DNER: variants seen among roughly 807,000 people sequenced by gnomAD.
DNER encodes delta and Notch-like epidermal growth factor-related receptor.
Under a neutral mutation model 78.2 loss-of-function variants are expected in DNER, and 33 were observed. The ratio of observed to expected loss-of-function variants is 0.42; its 90% CI spans 0.32 to 0.56. DNER has a LOEUF of 0.56. Ranked by LOEUF, DNER falls within the 20% of genes least tolerant of loss-of-function variation. The probability of loss-of-function intolerance (pLI) is 0.11; values close to 1 mark genes in which losing one functional copy is unlikely to be tolerated. For synonymous variants in DNER, 417 were observed against 384.8 expected, an observed-to-expected ratio of 1.08 and a Z score of -0.98; for missense variants, 918 against 975.3, an observed-to-expected ratio of 0.94 and a Z score of 0.78.
At chr2:229,509,688 C>T (rs1695824421) in intron 6 of DNER, among the ~76,000 whole-genome samples, 1 of 152,128 alleles carries the variant, frequency 6.6e-6, no homozygotes, top group Non-Finnish European at 1.5e-5. Flanking sequence ...GTAGTGGGTG[C>T]CTGTAATCCC....
intron 8 of DNER, 45 bp downstream of exon 8, chr2:229,447,267 GGTTT>G: frequency 6.7e-7 from 1 of 1,498,792 alleles, no homozygotes; most frequent in Non-Finnish European, 9.0e-7. Context: ...TTTTGAGATT[GGTTT>G]GAGATTGAGA....
intron 9 of DNER, among the ~76,000 whole-genome samples, chr2:229,417,211 G>C (rs900538972): frequency 6.6e-6 from 1 of 152,126 alleles, no homozygotes; most frequent in Non-Finnish European, 1.5e-5. Flanking sequence ...TTGCCAAAAA[G>C]GTTACTAAAT....
chr2:229,374,329 C>A (rs1692553701), intron 11 of DNER, among the ~76,000 whole-genome samples: 1 of 152,142 alleles, frequency 6.6e-6, no homozygotes, highest in African/African-American at 2.4e-5. Context: ...ATATCCCAAA[C>A]CTCAGCATCA....
At chr2:229,539,199 A>G (rs1194313966) in intron 5 of DNER, among the ~76,000 whole-genome samples, 2 of 152,148 alleles carry the variant, frequency 1.3e-5, no homozygotes, top group South Asian at 2.1e-4. Flanking sequence ...TGCCTTTTCA[A>G]TGTCTCATGA....
rs375588759 is a variant in DNER at position 229,545,208 on chromosome 2, C to T, written c.993+1739G>A. 7.2e-5 allele frequency among the ~76,000 whole-genome samples: 11 copies of T among 152,258 alleles called. No individual in the cohort carries two copies. In the East Asian group the frequency reaches 1.9e-3, roughly 27 times the overall value. On this transcript the variant is annotated intron_variant, in intron 5 of 12. Transcript: ENST00000341772. ...TAGATGTCCCCTAATGGAACAGGCC[C>T]CCCTTGTAAGGTATGAAGTCTTCCT...
chr2:229,417,272 C>T (rs538908047), intron 9 of DNER, among the ~76,000 whole-genome samples: 1 of 152,196 alleles, frequency 6.6e-6, no homozygotes, highest in Non-Finnish European at 1.5e-5. Flanking sequence ...TGCAAGGTCT[C>T]CAGCCAGGTG....
intron 4 of DNER, among the ~76,000 whole-genome samples, chr2:229,554,605 T>C (rs905967066): frequency 6.6e-5 from 10 of 152,096 alleles, no homozygotes; most frequent in African/African-American, 9.7e-5. Context: ...GGCAAAAGAA[T>C]TGCTTGAACC....
In DNER at chr2:229,714,433, G is replaced by C; in HGVS notation, c.-10C>G. 8.9e-7 allele frequency: 1 copy of C among 1,126,528 alleles called. No homozygotes were observed. The highest frequency in any genetic ancestry group is 1.1e-6 in the Non-Finnish European group (1 of 923,680). The allele number at this position is 1,126,528 out of a possible 1,614,324, so 69.8% of individuals were successfully genotyped here. On this transcript the variant is annotated 5_prime_UTR_variant, in exon 1 of 13. Transcript: ENST00000341772. ...CGCGGCGGGGCTGCATGGCCGGCCG[G>C]GAGGGCGCGGGAGCCGGAGCCAGGA...
At chr2:229,458,863 A>T (rs558930968) in intron 7 of DNER, among the ~76,000 whole-genome samples, 8 of 152,154 alleles carry the variant, frequency 5.3e-5, no homozygotes, top group African/African-American at 1.9e-4. Flanking sequence ...TATACAAAGA[A>T]AATCCAAAGA....
intron 12 of DNER, among the ~76,000 whole-genome samples, chr2:229,360,561 C>T (rs530565121): frequency 2.0e-5 from 3 of 152,098 alleles, no homozygotes; most frequent in Non-Finnish European, 4.4e-5. Context: ...TACAGGCGCC[C>T]GCCACCACGC....
At chr2:229,412,020 T>G (rs1693534044) in intron 9 of DNER, among the ~76,000 whole-genome samples, 1 of 152,204 alleles carries the variant, frequency 6.6e-6, no homozygotes, top group South Asian at 2.1e-4. Flanking sequence ...AAATCGAATT[T>G]TTTTTCTAAA....
intron 7 of DNER, among the ~76,000 whole-genome samples, chr2:229,471,881 A>AC (rs1224189704): frequency 1.3e-5 from 2 of 152,144 alleles, no homozygotes; most frequent in African/African-American, 4.8e-5. Context: ...AAGCAGTGTG[A>AC]CCCCAAACCA....
At chr2:229,501,386 T>G (rs766766190) in intron 6 of DNER, among the ~76,000 whole-genome samples, 2 of 150,882 alleles carry the variant, frequency 1.3e-5, no homozygotes, top group Non-Finnish European at 3.0e-5. Flanking sequence ...CTTAACCAAC[T>G]CAAAACCCAA....
intron 1 of DNER, among the ~76,000 whole-genome samples, chr2:229,688,870 T>C (rs1312047979): frequency 6.6e-6 from 1 of 152,196 alleles, no homozygotes; most frequent in Non-Finnish European, 1.5e-5. Flanking sequence ...GCCGTCATCC[T>C]GAGCAAACTA....
intron 4 of DNER, 142 bp downstream of exon 4, chr2:229,585,714 TAA>T: frequency 2.3e-6 from 2 of 862,432 alleles, no homozygotes; most frequent in Non-Finnish European, 3.5e-6. Context: ...GTTTTTATTC[TAA>T]AACCTTACCA....
chr2:229,569,562 A>G (rs1351150173), intron 4 of DNER, among the ~76,000 whole-genome samples: 6 of 152,116 alleles, frequency 3.9e-5, no homozygotes, highest in Non-Finnish European at 8.8e-5. Context: ...TCTCTATATA[A>G]GATGGAGTAG....
chr2:229,516,864 T>C (rs940485615), intron 5 of DNER, among the ~76,000 whole-genome samples: 13 of 150,880 alleles, frequency 8.6e-5, no homozygotes, highest in Non-Finnish European at 1.5e-4. Flanking sequence ...TCCCAGCATT[T>C]TGGGAGGCCG....
intron 10 of DNER, among the ~76,000 whole-genome samples, chr2:229,391,718 T>C (rs1693020034): frequency 6.6e-6 from 1 of 152,082 alleles, no homozygotes; most frequent in African/African-American, 2.4e-5. Context: ...ATTTTTTGTA[T>C]TTTTAGTAGA....
chr2:229,588,042 G>A (rs1275707633), intron 3 of DNER, among the ~76,000 whole-genome samples: 1 of 152,218 alleles, frequency 6.6e-6, no homozygotes, highest in Non-Finnish European at 1.5e-5. Flanking sequence ...GCATCTGAAT[G>A]TAACTGATGG....
Sources: allele counts gnomAD v4.1 joint callset (sites outside exome capture counted in the v4.1 genomes callset), GRCh38; gene constraint gnomAD v4.1.1; transcripts MANE v1.5; gene names NCBI Gene and HGNC (gene_info 2026-07-23, HGNC 2026-07-21).